The following CEP170B variants were observed in gnomAD, a reference collection of about 807,000 sequenced individuals.
The protein encoded by CEP170B is centrosomal protein of 170 kDa protein B.
A neutral mutation model predicts 120.6 loss-of-function variants in CEP170B; 55 were observed. The ratio of observed to expected loss-of-function variants is 0.46; its 90% CI spans 0.37 to 0.57. The LOEUF is 0.57. CEP170B is among the 20% of genes least tolerant of loss of function. The pLI is 0.00. For synonymous variants in CEP170B, 1,033 were observed against 954.5 expected (o/e 1.08, Z -1.52); for missense variants, 2,212 against 2,253.3 (o/e 0.98, Z 0.37).
rs1363482210 is a variant in CEP170B at position 104,865,410 on chromosome 14, C to G, written c.-131C>G. 1.4e-5 allele frequency: 2 copies of G among 146,740 alleles called. No individual in the cohort carries two copies. The highest frequency in any genetic ancestry group is 3.0e-5 in the Non-Finnish European group (2 of 66,856). 9.1% of individuals were successfully genotyped at this position (146,740 alleles called of 1,614,324 possible). ...GCTCGGCCGGGCGGGCGGGCGGGCGCGAGGGCAGGGACCGAGCCGGGCCGA... is the reference window on the plus strand; with the variant it reads ...GCTCGGCCGGGCGGGCGGGCGGGCGGGAGGGCAGGGACCGAGCCGGGCCGA... On this transcript the variant is annotated 5_prime_UTR_variant, in exon 1 of 19. Coordinates refer to ENST00000414716, the MANE Select transcript of CEP170B (RefSeq NM_001112726.3). The surrounding 1 kb of genome is among the most constrained non-coding windows in gnomAD (Gnocchi z 6.7).
rs1366207388 is a variant in CEP170B, at chr14:104,868,495, C to T, written c.45C>T (p.Arg15=). 1.9e-6 allele frequency: 3 copies of T among 1,549,584 alleles called. No homozygotes were observed. The highest frequency in any genetic ancestry group is 1.7e-6 in the Non-Finnish European group (2 of 1,146,934). The change falls in exon 2 of 19, where the codon CGC becomes CGT. Residue 15 remains arginine (R), a synonymous_variant. Transcript: ENST00000414716. This position sits in a 1 kb window ranked among gnomAD's most constrained non-coding sequence, Gnocchi z 5.9. ...TCCTGGTGAGCAGCAGCGGCGCCCG[C>T]CACCGGCTCCCTCGGGAGCTCATCT... is the stretch of plus-strand genomic sequence containing the variant. ...SWFLVSSSGA[R]HRLPRELIFV...
chr14:104,883,742 G>A, intron 8 of CEP170B, 89 bp from the exon 9 acceptor site: 3 of 1,311,174 alleles, frequency 2.3e-6, no homozygotes, highest in Non-Finnish European at 3.1e-6. Context: ...TGTCAACTCA[G>A]CTAAGGCATG....
At chr14:104,873,629 G>C (rs1276184619) in intron 2 of CEP170B, among the ~76,000 whole-genome samples, 1 of 152,032 alleles carries the variant, frequency 6.6e-6, no homozygotes, top group African/African-American at 2.4e-5. Context: ...TCCAGCAGGA[G>C]CTCTCGAGGC....
chr14:104,883,155 C>T lies in CEP170B; in HGVS notation c.698C>T (p.Thr233Ile). 2 of 1,608,186 alleles carry T rather than the reference C, an allele frequency of 1.2e-6. No individual in the cohort carries two copies. Among genetic ancestry groups the T allele is most frequent in the Non-Finnish European group, 1.7e-6 (2 of 1,178,766 alleles). Residue 233 changes from threonine (T) to isoleucine (I), a missense_variant, in exon 8 of 19, where the codon ACC becomes ATC. By Grantham distance (89) the Thr-to-Ile change is moderately conservative (BLOSUM62 -1). Transcript: ENST00000414716. ...PSYFEIPTKE[T>I]PQPSQPPEVP... is the part of the protein sequence containing the mutation. ...TACTTCGAGATCCCCACGAAGGAGA[C>T]CCCGCAGCCGTCGCAGCCCCCCGAG...
Position 104,886,804 on chromosome 14 carries a change from A to T in CEP170B, c.2565A>T (p.Glu855Asp). The T allele has an allele frequency of 6.2e-7, 1 of 1,611,368 alleles. No homozygotes were observed. The highest frequency in any genetic ancestry group is 8.5e-7 in the Non-Finnish European group (1 of 1,179,808). ...AGCTACGGCCTGGACGGTCCCCAGA[A>T]CCCGACGGCCCTGCCCCAGCCTTTC... ...VIQLRPGRSP[E>D]PDGPAPAFLR... Residue 855 changes from glutamate (E) to aspartate (D), a missense_variant, in exon 12 of 19, where the codon GAA becomes GAT. By Grantham distance (45) the Glu-to-Asp change is conservative. Coordinates refer to ENST00000414716, the MANE Select transcript of CEP170B (RefSeq NM_001112726.3).
rs763901875 is a variant in CEP170B, at chr14:104,893,042, C to G, written c.3945C>G (p.Asp1315Glu). 3 of 1,593,152 alleles carry G rather than the reference C, an allele frequency of 1.9e-6. No individual in the cohort carries two copies. Among genetic ancestry groups the G allele is most frequent in the Admixed American group, 1.7e-5 (1 of 57,266 alleles). ...LAQEIHDVAG[D>E]GDTLGSSEPA... ...AGGAGATCCACGATGTGGCTGGGGA[C>G]GGTGACACACTGGGCTCCTCGGAGC... Residue 1315 changes from aspartate to glutamate, a missense_variant, in exon 14 of 19, where the codon GAC (aspartate) becomes GAG (glutamate). Asp to Glu is a conservative substitution (Grantham distance 45). Around this residue, in one of 2 missense-constraint regions of CEP170B, gnomAD observed 2,166 missense variants for 2,166.7 expected, o/e 1.00. Transcript: ENST00000414716.
chr14:104,868,300 C>A lies in CEP170B; in HGVS notation c.-27-124C>A. 4 of 682,026 alleles carry A rather than the reference C, an allele frequency of 5.9e-6. No individual in the cohort carries two copies. Among genetic ancestry groups the A allele is most frequent in the Non-Finnish European group, 9.7e-6 (4 of 410,974 alleles). 42.2% of individuals were successfully genotyped at this position (682,026 alleles called of 1,614,324 possible). On this transcript the variant is annotated intron_variant, in intron 1 of 18. Transcript: ENST00000414716. This position sits in a 1 kb window ranked among gnomAD's most constrained non-coding sequence, Gnocchi z 5.9. ...GGCGGGTGGCCTGATGAGGCTGGAG[C>A]CCAGCTTCTCCGGAAGCTGCCAGCT...
At position 104,886,675 on chromosome 14, in the gene CEP170B, G is replaced by T. The variant is rs200246088; in HGVS notation, c.2436G>T (p.Pro812=). Reference sequence around the variant, plus strand: ...GGGACGCTGTGTTATCTAGGAAACCGCTTGCGGCTCCAGGGGATGGGGAGG... The same window carrying T: ...GGGACGCTGTGTTATCTAGGAAACCTCTTGCGGCTCCAGGGGATGGGGAGG... ...QNGDAVLSRK[P]LAAPGDGEGL... Residue 812 remains proline, a synonymous_variant, in exon 12 of 19, where the codon CCG becomes CCT. Coordinates refer to ENST00000414716, the MANE Select transcript of CEP170B (RefSeq NM_001112726.3). The T allele has an allele frequency of 2.6e-6, 4 of 1,544,690 alleles. 1 individual carries two copies. In the African/African-American group the frequency reaches 5.5e-5, roughly 21 times the overall value.
At chr14:104,885,997 G>A (rs751563681) in intron 10 of CEP170B, 43 bp from the exon 11 acceptor site, 12 of 1,485,886 alleles carry the variant, frequency 8.1e-6, no homozygotes, top group South Asian at 3.9e-5. Flanking sequence ...GCTTCTCGCC[G>A]TTGGGCTTGC....
intron 9 of CEP170B, among the ~76,000 whole-genome samples, 163 bp from the exon 10 acceptor site, chr14:104,885,206 T>C (rs900059113): frequency 1.3e-5 from 2 of 152,166 alleles, no homozygotes; most frequent in Admixed American, 1.3e-4. Context: ...CCGTATCCCA[T>C]CCGCATGTCC....
intron 12 of CEP170B, among the ~76,000 whole-genome samples, chr14:104,888,945 G>A (rs796341346): frequency 7.2e-5 from 11 of 152,342 alleles, no homozygotes; most frequent in African/African-American, 2.6e-4. Flanking sequence ...ACCCAAGCAT[G>A]CGGCTCGCCA....
At chr14:104,877,124 A>T (rs973213831) in intron 3 of CEP170B, among the ~76,000 whole-genome samples, 1 of 152,052 alleles carries the variant, frequency 6.6e-6, no homozygotes, top group Non-Finnish European at 1.5e-5. Flanking sequence ...CAGCCCCTCA[A>T]GGAGCTCCGG....
Position 104,885,541 on chromosome 14 carries a change from A to G in CEP170B, c.1943A>G (p.Gln648Arg). 6.4e-7 allele frequency: 1 copy of G among 1,559,722 alleles called. No individual in the cohort carries two copies. Among genetic ancestry groups the G allele is most frequent in the Non-Finnish European group, 8.6e-7 (1 of 1,157,858 alleles). ...GGTGCGGCCCCCCAGGCGGAGCACC[A>G]GGTACAGGCACAGACGGCCACCCCA... ...PLGAAPQAEH[Q>R]GLPVPGSPGG... Residue 648 changes from glutamine (Q) to arginine (R), a missense_variant and splice_region_variant, in exon 10 of 19, where the codon CAG becomes CGG. By Grantham distance (43) the Gln-to-Arg change is conservative (BLOSUM62 1). Coordinates refer to ENST00000414716, the MANE Select transcript of CEP170B (RefSeq NM_001112726.3).
At chr14:104,866,142 A>G (rs1048224400) in intron 1 of CEP170B, among the ~76,000 whole-genome samples, 1 of 152,126 alleles carries the variant, frequency 6.6e-6, no homozygotes. Context: ...TGGCCAGCCC[A>G]GCCCCGAGGC....
At position 104,883,465 on chromosome 14, in the gene CEP170B, CAGCACCAAG is replaced by C; in HGVS notation, c.1012_1020del (p.Thr338_Ser340del). 1 of 1,559,668 alleles carries C rather than the reference CAGCACCAAG, an allele frequency of 6.4e-7. No homozygotes were observed. The highest frequency in any genetic ancestry group is 8.7e-7 in the Non-Finnish European group (1 of 1,153,150). On this transcript the variant is annotated inframe_deletion, in exon 8 of 19. Coordinates refer to ENST00000414716, the MANE Select transcript of CEP170B (RefSeq NM_001112726.3). ...GGGTTGGCCCTGGGGATGACCGCCACAGCACCAAGAGCGACCTGCCTGTCCACACCCGCA... is the reference window on the plus strand; with the variant it reads ...GGGTTGGCCCTGGGGATGACCGCCACAGCGACCTGCCTGTCCACACCCGCA...
At chr14:104,864,537 G>C (rs768767745), upstream of CEP170B, among the ~76,000 whole-genome samples, 1 of 152,208 alleles carries the variant, frequency 6.6e-6, no homozygotes, top group Non-Finnish European at 1.5e-5. This position sits in a 1 kb window ranked among gnomAD's most constrained non-coding sequence, Gnocchi z 5.9. Flanking sequence ...CAAGGAGCGA[G>C]CAGTCCGCGG....
rs61733876 is a variant in CEP170B at position 104,887,883 on chromosome 14, G to A, written c.3644G>A (p.Arg1215Gln). Residue 1215 changes from arginine to glutamine, a missense_variant, in exon 12 of 19, where the codon CGG (arginine) becomes CAG (glutamine). Physicochemically the swap from Arg to Gln is conservative, Grantham distance 43. This residue lies in a region of CEP170B where 2,166 missense variants were observed against 2,166.7 expected (regional missense o/e 1.00). Transcript: ENST00000414716. ...CGCAAGCCCACCATGGCCGAAGCAC[G>A]GGCTGTCTCCAGGAAGGCTGCCAAC... ...ASRKPTMAEARAVSRKAANTA... is the reference protein window; with the variant it reads ...ASRKPTMAEAQAVSRKAANTA... 4,511 of 1,565,430 alleles carry A rather than the reference G, an allele frequency of 2.9e-3. 8 individuals carry two copies. The highest frequency in any genetic ancestry group is 3.7e-3 in the Non-Finnish European group (4,278 of 1,159,930).
intron 10 of CEP170B, 79 bp downstream of exon 10, chr14:104,885,621 G>GC (rs1289042160): frequency 2.7e-6 from 4 of 1,484,432 alleles, no homozygotes; most frequent in South Asian, 1.3e-5. Flanking sequence ...GGGTCAGCGG[G>GC]CCCCCCATGG....
At chr14:104,865,202 C>A (rs1327039107), upstream of CEP170B, 10 of 4,034 alleles carry the variant, frequency 2.5e-3, no homozygotes, top group African/African-American at 7.3e-3. This position sits in a 1 kb window ranked among gnomAD's most constrained non-coding sequence, Gnocchi z 6.7. Context: ...CGCGGCCGGG[C>A]GGGGGCGGGG....
Sources: allele counts gnomAD v4.1 joint callset (sites outside exome capture counted in the v4.1 genomes callset), GRCh38; gene constraint gnomAD v4.1.1; regional missense constraint gnomAD v4.1.1; non-coding constraint Gnocchi (gnomAD v3.1); transcripts MANE v1.5; gene names NCBI Gene and HGNC (gene_info 2026-07-23, HGNC 2026-07-21).